Variants in ADAM18 observed in about 807,000 individuals in gnomAD.
ADAM18 encodes the protein ADAM metallopeptidase domain 18.
A neutral mutation model predicts 94.4 loss-of-function variants in ADAM18; 117 were observed. That is an observed-to-expected ratio of 1.24 (90% confidence interval 1.07 to 1.45). The LOEUF (loss-of-function observed/expected upper bound fraction) is 1.45, where lower values mean the gene tolerates loss of function less well. ADAM18 is among the 40% of genes most tolerant of loss of function. ADAM18 has a pLI of 0.00. For missense variants in ADAM18, 936 were observed against 880.0 expected (o/e 1.06, Z -0.81); for synonymous variants, 327 against 291.6 (o/e 1.12, Z -1.24).
At chr8:39,630,725 A>G (rs1349656960) in intron 7 of ADAM18, among the ~76,000 whole-genome samples, 1 of 151,970 alleles carries the variant, frequency 6.6e-6, no homozygotes, top group Non-Finnish European at 1.5e-5. Flanking sequence ...TTTGGTAGAC[A>G]TAATTTCTTT....
At chr8:39,673,245 C>A (rs1178460543) in intron 14 of ADAM18, among the ~76,000 whole-genome samples, 1 of 152,062 alleles carries the variant, frequency 6.6e-6, no homozygotes, top group Admixed American at 6.6e-5. Context: ...CAGGGTATGT[C>A]CATGCTAGAG....
chr8:39,698,542 G>A (rs1302694035), intron 17 of ADAM18, among the ~76,000 whole-genome samples: 24 of 151,980 alleles, frequency 1.6e-4, no homozygotes, highest in Admixed American at 1.6e-3. Flanking sequence ...CACATCAGGA[G>A]TCACAGAAGT....
At chr8:39,654,825 T>C (rs943215176) in intron 12 of ADAM18, among the ~76,000 whole-genome samples, 1 of 152,190 alleles carries the variant, frequency 6.6e-6, no homozygotes, top group Admixed American at 6.5e-5. Flanking sequence ...ATATCTGTTG[T>C]CATTTGAATG....
Position 39,637,628 on chromosome 8 carries a change from A to C in ADAM18, c.752A>C (p.Asp251Ala). The C allele has an allele frequency of 1.9e-6, 3 of 1,612,868 alleles. No individual in the cohort carries two copies. The highest frequency in any genetic ancestry group is 2.5e-6 in the Non-Finnish European group (3 of 1,179,292). Residue 251 changes from aspartate to alanine, a missense_variant, in exon 9 of 20, where the codon GAT becomes GCT. Transcript: ENST00000265707. ...ATTTCCACCAGTGGGGATGCTGATG[A>C]TATATTACAAAGATTTTTGGCATGG... The part of the protein sequence containing the change: ...NQISTSGDAD[D>A]ILQRFLAWKR...
intron 18 of ADAM18, among the ~76,000 whole-genome samples, chr8:39,710,934 T>C (rs1313973528): frequency 6.6e-6 from 1 of 152,190 alleles, no homozygotes; most frequent in African/African-American, 2.4e-5. Flanking sequence ...AAGAAGATAA[T>C]GAGCTGTCAC....
chr8:39,690,269 A>C (rs1821735690), intron 16 of ADAM18, among the ~76,000 whole-genome samples: 2 of 152,074 alleles, frequency 1.3e-5, no homozygotes, highest in Non-Finnish European at 2.9e-5. Context: ...GCACTCCAGC[A>C]TGTGGCACCA....
chr8:39,585,261 A>G lies in ADAM18; in HGVS notation c.56-15A>G, dbSNP rs1381931473. 3.1e-6 allele frequency: 5 copies of G among 1,605,934 alleles called. No homozygotes were observed. Among genetic ancestry groups the G allele is most frequent in the Non-Finnish European group, 4.3e-6 (5 of 1,174,274 alleles). Reference sequence around the variant, plus strand: ...GCAAAACAAAGACAAAAACAAACACATTTTCTTACTGCAGGTTCTGAAGGA... The same window carrying G: ...GCAAAACAAAGACAAAAACAAACACGTTTTCTTACTGCAGGTTCTGAAGGA... On this transcript the variant is annotated splice_polypyrimidine_tract_variant and intron_variant, in intron 1 of 19. Coordinates refer to ENST00000265707, the MANE Select transcript of ADAM18 (RefSeq NM_014237.3).
chr8:39,597,938 T>A (rs1202767723), intron 2 of ADAM18, among the ~76,000 whole-genome samples: 1 of 152,236 alleles, frequency 6.6e-6, no homozygotes, highest in Non-Finnish European at 1.5e-5. Flanking sequence ...ACTTAGTTCT[T>A]ATTTAATTTT....
Position 39,680,021 on chromosome 8 carries a change from TGC to T in ADAM18, c.1632-15_1632-14del, listed in dbSNP as rs1172279966. On this transcript the variant is annotated splice_polypyrimidine_tract_variant and intron_variant, in intron 15 of 19. Coordinates refer to ENST00000265707, the MANE Select transcript of ADAM18 (RefSeq NM_014237.3). ...AGAGATAAACTGATAAGGAACTTTT[TGC>T]TTTCCACTTCCAGGGATGTTCTCTG... 1 of 1,612,392 alleles carries T rather than the reference TGC, an allele frequency of 6.2e-7. No individual in the cohort carries two copies. The highest frequency in any genetic ancestry group is 1.7e-5 in the Admixed American group (1 of 59,418).
chr8:39,680,164 A>T lies in ADAM18; in HGVS notation c.1759A>T (p.Met587Leu). Reference sequence around the variant, plus strand: ...TGTATCTATAGCCACTGGTTCCTCCATGAGATCAGATGGAACAGACAATGC... The same window carrying T: ...TGTATCTATAGCCACTGGTTCCTCCTTGAGATCAGATGGAACAGACAATGC... ...VCVSIATGSSMRSDGTDNAYV... is the reference protein window; with the variant it reads ...VCVSIATGSSLRSDGTDNAYV... Residue 587 changes from methionine (M) to leucine (L), a missense_variant, in exon 16 of 20, where the codon ATG becomes TTG. Met to Leu is a conservative substitution (Grantham distance 15, BLOSUM62 2). Transcript: ENST00000265707. The T allele has an allele frequency of 6.2e-7, 1 of 1,613,864 alleles. No homozygotes were observed. The highest frequency in any genetic ancestry group is 8.5e-7 in the Non-Finnish European group (1 of 1,179,880).
intron 18 of ADAM18, among the ~76,000 whole-genome samples, chr8:39,713,159 T>C (rs1230217734): frequency 6.6e-6 from 1 of 152,152 alleles, no homozygotes; most frequent in Non-Finnish European, 1.5e-5. Context: ...ATCTGATCTT[T>C]GACAAACCTG....
At chr8:39,688,101 T>C (rs1007395990) in intron 16 of ADAM18, among the ~76,000 whole-genome samples, 2 of 152,232 alleles carry the variant, frequency 1.3e-5, no homozygotes, top group Admixed American at 1.3e-4. Context: ...TTAATAAATG[T>C]TGCCATTTCT....
chr8:39,702,674 AG>A (rs1341340266), intron 17 of ADAM18, among the ~76,000 whole-genome samples: 1 of 152,160 alleles, frequency 6.6e-6, no homozygotes, highest in Admixed American at 6.5e-5. Context: ...GGTGTAAGGA[AG>A]GGGTTCAGTT....
chr8:39,724,078 C>T (rs1822835596), intron 19 of ADAM18, 171 bp downstream of exon 19: 1 of 476,476 alleles, frequency 2.1e-6, no homozygotes, highest in Non-Finnish European at 3.3e-6. Context: ...TATATTGGGG[C>T]AAGCCAAAAT....
intron 17 of ADAM18, among the ~76,000 whole-genome samples, chr8:39,695,129 A>G (rs746380538): frequency 7.9e-5 from 12 of 151,534 alleles, no homozygotes; most frequent in Non-Finnish European, 3.0e-5. Context: ...TCATTCATCT[A>G]TTAAAGGACA....
intron 2 of ADAM18, among the ~76,000 whole-genome samples, chr8:39,603,943 CTAAT>C (rs1436724498): frequency 3.9e-5 from 6 of 152,190 alleles, no homozygotes; most frequent in African/African-American, 1.4e-4. Context: ...TTCAACCTCA[CTAAT>C]TATCTTTCAG....
intron 14 of ADAM18, among the ~76,000 whole-genome samples, chr8:39,676,105 G>A (rs766694123): frequency 1.8e-4 from 27 of 152,198 alleles, no homozygotes; most frequent in East Asian, 9.6e-4. Flanking sequence ...TGGGGATCAG[G>A]GATCCACTTG....
At position 39,648,482 on chromosome 8, in the gene ADAM18, T is replaced by C; in HGVS notation, c.1185T>C (p.Asn395=). ...PLHQNQPVCG[N]GILESNEECD... ...ATCAAAATCAACCAGTGTGTGGTAA[T>C]GGGATTTTGGAATCCAATGAAGAAT... is the stretch of plus-strand genomic sequence containing the variant. Residue 395 remains asparagine, a synonymous_variant, in exon 12 of 20, where the codon AAT becomes AAC. Transcript: ENST00000265707. 6.2e-7 allele frequency: 1 copy of C among 1,611,784 alleles called. No individual in the cohort carries two copies. The highest frequency in any genetic ancestry group is 8.5e-7 in the Non-Finnish European group (1 of 1,178,948).
At chr8:39,694,338 A>G (rs1821864385) in intron 17 of ADAM18, among the ~76,000 whole-genome samples, 1 of 151,316 alleles carries the variant, frequency 6.6e-6, no homozygotes, top group South Asian at 2.1e-4. Flanking sequence ...TATTGACTTT[A>G]CTCTATGATT....
Sources: gnomAD v4.1 joint callset for allele counts (sites outside exome capture counted in the v4.1 genomes callset) on GRCh38, gnomAD v4.1.1 for gene constraint, MANE v1.5 for transcripts, NCBI Gene and HGNC (gene_info 2026-07-23, HGNC 2026-07-21) for gene names.